DIAPH2: variants seen among roughly 807,000 people sequenced by gnomAD.
DIAPH2 encodes protein diaphanous homolog 2.
In DIAPH2, 35 loss-of-function variants were observed where a neutral mutation model predicts 92.7. The observed-to-expected ratio is 0.38, with a 90% confidence interval of 0.29 to 0.50. The LOEUF is 0.50. Among genes scored for constraint, DIAPH2 ranks in the 20% least tolerant of loss-of-function variants. The pLI, the probability that DIAPH2 is intolerant of heterozygous loss-of-function variation, is 0.94. For synonymous variants in DIAPH2, 301 were observed against 280.4 expected (o/e 1.07, Z -0.73); for missense variants, 701 against 819.5 (o/e 0.86, Z 1.77).
At chrX:96,953,599 G>T (rs1227213929) in intron 15 of DIAPH2, 1 of 111,949 alleles carries the variant, frequency 8.9e-6, no homozygotes, top group Non-Finnish European at 1.9e-5. Flanking sequence ...CCACTAAAGA[G>T]AATACACTTT....
chrX:96,747,859 A>G (rs2064160121), intron 3 of DIAPH2, among the ~76,000 whole-genome samples: 2 of 112,411 alleles, frequency 1.8e-5, no homozygotes, highest in South Asian at 7.3e-4. Context: ...AAAATCTATA[A>G]TAAGCCATGG....
At chrX:96,837,977 A>G (rs1254099018) in intron 4 of DIAPH2, among the ~76,000 whole-genome samples, 1 of 111,724 alleles carries the variant, frequency 9.0e-6, no homozygotes, top group Non-Finnish European at 1.9e-5. Context: ...CAGTTTTTCA[A>G]ATTGGGAGAT....
intron 25 of DIAPH2, among the ~76,000 whole-genome samples, chrX:97,394,675 G>A (rs745847320): frequency 6.3e-5 from 7 of 111,723 alleles, no homozygotes; most frequent in East Asian, 2.8e-4. Context: ...AGGCAATATC[G>A]TGTCATGCTG....
chrX:97,486,286 C>T (rs11798119), intron 26 of DIAPH2, among the ~76,000 whole-genome samples: 1,358 of 111,706 alleles, frequency 0.012, 11 homozygotes, highest in Non-Finnish European at 0.019. Context: ...ACTTCCAGCA[C>T]ACCTATAGTT....
intron 25 of DIAPH2, among the ~76,000 whole-genome samples, chrX:97,389,393 G>C (rs5921806): frequency 0.027 from 2,861 of 105,824 alleles, 35 homozygotes; most frequent in Non-Finnish European, 0.039. Flanking sequence ...TTGAACCCGG[G>C]GGGCAGAAGT....
intron 22 of DIAPH2, among the ~76,000 whole-genome samples, chrX:97,165,087 G>C (rs192967485): frequency 8.9e-6 from 1 of 112,481 alleles, no homozygotes. Flanking sequence ...TGATCAAAGT[G>C]GATGTGATCA....
chrX:96,684,967 G>A lies in DIAPH2; in HGVS notation c.-92G>A. The A allele has an allele frequency of 1.1e-6, 1 of 914,295 alleles. No homozygotes were observed. The highest frequency in any genetic ancestry group is 1.4e-6 in the Non-Finnish European group (1 of 725,143). 75.3% of individuals were successfully genotyped at this position (914,295 alleles called of 1,213,427 possible). A position where few individuals can be genotyped will look rare whatever the true frequency, so the allele number is the denominator to read the frequency against. On this transcript the variant is annotated 5_prime_UTR_variant, in exon 1 of 27. Coordinates refer to ENST00000324765, the MANE Select transcript of DIAPH2 (RefSeq NM_006729.5). ...CTCTCCCTCAGGAAGAGGTGCCGCC[G>A]AGTCAGCGCGGGGCAGTGTGAGCGC...
chrX:97,515,634 G>A (rs778008957), intron 26 of DIAPH2, among the ~76,000 whole-genome samples: 2 of 109,428 alleles, frequency 1.8e-5, no homozygotes, highest in African/African-American at 6.6e-5. Flanking sequence ...TAATAATAAA[G>A]TGTGGGGGAC....
At chrX:97,336,500 C>T (rs1242340365) in intron 23 of DIAPH2, among the ~76,000 whole-genome samples, 1 of 109,922 alleles carries the variant, frequency 9.1e-6, no homozygotes, top group African/African-American at 3.3e-5. Context: ...CCGCCCGCCT[C>T]GGCCTCCCAA....
intron 23 of DIAPH2, among the ~76,000 whole-genome samples, chrX:97,313,731 C>T (rs1037142650): frequency 2.4e-4 from 26 of 109,030 alleles, no homozygotes; most frequent in African/African-American, 8.4e-4. Context: ...ATCCACCTCC[C>T]GGGTTCAAGC....
At position 97,602,095 on chromosome X, in the gene DIAPH2, C is replaced by G. The variant is rs2071599717; in HGVS notation, c.*2778C>G. ...TTAACTTAATTACATCTGCAAGGCC[C>G]CCTTCTCCAAATAAGATAAATTCAT... On this transcript the variant is annotated 3_prime_UTR_variant, in exon 27 of 27. Transcript: ENST00000324765. The G allele has an allele frequency of 8.9e-6, 1 of 112,035 alleles. No individual in the cohort carries two copies. Among genetic ancestry groups the G allele is most frequent in the African/African-American group, 3.2e-5 (1 of 30,786 alleles). The allele number at this position is 112,035 out of a possible 1,213,427, so 9.2% of individuals were successfully genotyped here. A position where few individuals can be genotyped will look rare whatever the true frequency, so the allele number is the denominator to read the frequency against.
chrX:96,697,327 C>T (rs5949978), intron 1 of DIAPH2, among the ~76,000 whole-genome samples: 6,146 of 108,594 alleles, frequency 0.057, 202 homozygotes, highest in Middle Eastern at 0.16. Flanking sequence ...GGCCCGAGGA[C>T]ATGCAAAGGT....
At chrX:97,160,617 G>A (rs764544631) in intron 22 of DIAPH2, among the ~76,000 whole-genome samples, 3 of 111,643 alleles carry the variant, frequency 2.7e-5, no homozygotes, top group South Asian at 3.7e-4. Flanking sequence ...CGTGGATTTC[G>A]AAATCTGGTT....
At chrX:96,763,053 GT>G (rs11339405) in intron 4 of DIAPH2, 165,583 of 824,596 alleles carry the variant, frequency 0.2, 11,043 homozygotes, top group East Asian at 0.34. Flanking sequence ...GTTGCTGTTT[GT>G]TTTTTTTTTA....
intron 14 of DIAPH2, among the ~76,000 whole-genome samples, chrX:96,947,679 G>A (rs1265590207): frequency 2.7e-5 from 3 of 111,946 alleles, no homozygotes; most frequent in Non-Finnish European, 3.8e-5. Context: ...AAGCTACTAT[G>A]AGGATGAATA....
At chrX:96,854,719 G>C (rs1453272149) in intron 4 of DIAPH2, among the ~76,000 whole-genome samples, 1 of 101,443 alleles carries the variant, frequency 9.9e-6, no homozygotes, top group Non-Finnish European at 2.0e-5. Context: ...TGGACAAAGA[G>C]AGGATTTGTA....
chrX:96,812,471 C>A (rs1795526961), intron 4 of DIAPH2, among the ~76,000 whole-genome samples: 1 of 111,457 alleles, frequency 9.0e-6, no homozygotes, highest in Non-Finnish European at 1.9e-5. Context: ...CAAAAACCAT[C>A]TCTTGGATTC....
chrX:97,581,401 T>G (rs1284604278), intron 26 of DIAPH2, among the ~76,000 whole-genome samples: 3 of 44,918 alleles, frequency 6.7e-5, no homozygotes, highest in African/African-American at 1.9e-4. Context: ...AAGAACATCT[T>G]TATTTCTGCC....
chrX:97,256,348 A>G (rs961752256), intron 23 of DIAPH2, among the ~76,000 whole-genome samples: 1 of 111,990 alleles, frequency 8.9e-6, no homozygotes, highest in East Asian at 2.8e-4. Context: ...GAATCTGTGA[A>G]TTTGTTTTCT....
Sources: gnomAD v4.1 joint callset for allele counts (sites outside exome capture counted in the v4.1 genomes callset) on GRCh38, gnomAD v4.1.1 for gene constraint, MANE v1.5 for transcripts, NCBI Gene and HGNC (gene_info 2026-07-23, HGNC 2026-07-21) for gene names.